The following KIAA1217 variants were observed in gnomAD, a reference collection of about 807,000 sequenced individuals.
KIAA1217 encodes the protein KIAA1217.
KIAA1217 carries 88 observed loss-of-function variants against 163.9 expected under a neutral mutation model. That is an observed-to-expected ratio of 0.54 (90% confidence interval 0.45 to 0.64). KIAA1217 has a LOEUF of 0.64. Among genes scored for constraint, KIAA1217 ranks in the 30% least tolerant of loss-of-function variants. KIAA1217 has a pLI of 0.00. For synonymous variants in KIAA1217, 903 were observed against 923.1 expected (o/e 0.98, Z 0.39); for missense variants, 2,372 against 2,475.0 (o/e 0.96, Z 0.88).
chr10:24,470,258 G>T (rs140216264), intron 5 of KIAA1217, among the ~76,000 whole-genome samples: 1 of 152,156 alleles, frequency 6.6e-6, no homozygotes, highest in Non-Finnish European at 1.5e-5. Context: ...TAGAGGATCC[G>T]TGTCGCTCTC....
At chr10:23,744,311 A>C (rs1320886353) in intron 1 of KIAA1217, among the ~76,000 whole-genome samples, 1 of 152,152 alleles carries the variant, frequency 6.6e-6, no homozygotes, top group Admixed American at 6.5e-5. Flanking sequence ...CCAGAAGAGG[A>C]TCCAAATTGG....
chr10:24,055,765 T>C (rs1410975358), intron 2 of KIAA1217, among the ~76,000 whole-genome samples: 1 of 152,096 alleles, frequency 6.6e-6, no homozygotes, highest in African/African-American at 2.4e-5. Flanking sequence ...AAGAAGCATC[T>C]TCAATATTTA....
chr10:24,062,518 T>A (rs1007215067), intron 2 of KIAA1217, among the ~76,000 whole-genome samples: 13 of 151,374 alleles, frequency 8.6e-5, no homozygotes, highest in Non-Finnish European at 1.6e-4. Flanking sequence ...TGTGCCACAT[T>A]TTCTTAATCC....
At chr10:24,450,848 C>T (rs1334085525) in intron 5 of KIAA1217, among the ~76,000 whole-genome samples, 1 of 152,142 alleles carries the variant, frequency 6.6e-6, no homozygotes, top group African/African-American at 2.4e-5. Context: ...GTTTTTAAGT[C>T]CTGGACAGCA....
At chr10:23,747,656 T>C (rs1839482010) in intron 1 of KIAA1217, among the ~76,000 whole-genome samples, 2 of 152,098 alleles carry the variant, frequency 1.3e-5, no homozygotes, top group South Asian at 2.1e-4. Flanking sequence ...GAGGAAATGA[T>C]GAAAATGAAG....
upstream of KIAA1217, among the ~76,000 whole-genome samples, chr10:24,208,121 CTT>C (rs796178842): frequency 4.4e-5 from 6 of 135,336 alleles, no homozygotes; most frequent in Admixed American, 7.5e-5. Flanking sequence ...TTCCCATCCT[CTT>C]TTTTTTTTTT....
At chr10:24,101,971 G>A (rs2062433775) in intron 2 of KIAA1217, among the ~76,000 whole-genome samples, 1 of 152,138 alleles carries the variant, frequency 6.6e-6, no homozygotes, top group Non-Finnish European at 1.5e-5. Context: ...AGTGGTGATA[G>A]TTGCACAATT....
rs112988768 is a variant in KIAA1217 at position 24,545,787 on chromosome 10, G to A, written c.5335-40G>A. 3,017 of 1,547,676 alleles carry A rather than the reference G, an allele frequency of 1.9e-3. 27 individuals are homozygous for A. The African/African-American group carries it at 0.03, about 15-fold the overall frequency. On this transcript the variant is annotated intron_variant, in intron 20 of 20. Coordinates refer to ENST00000376454, the MANE Select transcript of KIAA1217 (RefSeq NM_019590.5). ...GGCCCTGTGGGTTGATCATGTGACC[G>A]CCTTTCTGACAAAATGTCTCCCGCC...
chr10:23,918,093 A>G (rs1450397314), intron 1 of KIAA1217, among the ~76,000 whole-genome samples: 2 of 150,512 alleles, frequency 1.3e-5, no homozygotes, highest in African/African-American at 4.9e-5. Context: ...GCTCACTGCA[A>G]CCTCAAAGTC....
chr10:23,930,593 A>G (rs1177524617), intron 1 of KIAA1217, among the ~76,000 whole-genome samples: 1 of 152,228 alleles, frequency 6.6e-6, no homozygotes, highest in African/African-American at 2.4e-5. Context: ...GCCTTTCAGA[A>G]ATTACAATTT....
intron 2 of KIAA1217, among the ~76,000 whole-genome samples, chr10:24,113,262 T>C (rs1008185768): frequency 6.6e-6 from 1 of 152,118 alleles, no homozygotes; most frequent in Non-Finnish European, 1.5e-5. Context: ...CTAAAAATAA[T>C]ACCTATTTTT....
At chr10:24,305,313 G>A (rs772040130) in intron 2 of KIAA1217, among the ~76,000 whole-genome samples, 10 of 152,126 alleles carry the variant, frequency 6.6e-5, no homozygotes, top group Non-Finnish European at 1.3e-4. Context: ...CAAGAAGATG[G>A]TGGACTGGTG....
intron 6 of KIAA1217, among the ~76,000 whole-genome samples, chr10:24,492,470 T>C (rs149939718): frequency 2.0e-5 from 3 of 152,320 alleles, no homozygotes; most frequent in East Asian, 3.9e-4. Context: ...AGATTTCTTA[T>C]TTCCATTCTA....
At chr10:24,384,613 C>G (rs1000377104) in intron 3 of KIAA1217, among the ~76,000 whole-genome samples, 2 of 152,178 alleles carry the variant, frequency 1.3e-5, no homozygotes, top group Admixed American at 6.5e-5. Context: ...CTCGGCTCAC[C>G]GCAATCTCTG....
intron 1 of KIAA1217, among the ~76,000 whole-genome samples, chr10:23,799,008 G>C (rs1033481250): frequency 2.0e-5 from 3 of 152,186 alleles, no homozygotes; most frequent in South Asian, 2.1e-4. Context: ...TCTGAGGACT[G>C]TGAGAGAGAA....
At chr10:23,966,668 C>T (rs1589154699) in intron 1 of KIAA1217, among the ~76,000 whole-genome samples, 1 of 152,332 alleles carries the variant, frequency 6.6e-6, no homozygotes, top group East Asian at 1.9e-4. Context: ...CCATTCCTCC[C>T]TAGACCTTCT....
intron 1 of KIAA1217, among the ~76,000 whole-genome samples, chr10:23,961,598 C>T (rs1031348648): frequency 6.6e-6 from 1 of 152,154 alleles, no homozygotes; most frequent in Non-Finnish European, 1.5e-5. Flanking sequence ...TTTAAAATAA[C>T]CCTTCAGCTT....
At chr10:23,969,103 C>T (rs541763552) in intron 1 of KIAA1217, among the ~76,000 whole-genome samples, 51 of 152,278 alleles carry the variant, frequency 3.3e-4, no homozygotes, top group Admixed American at 9.8e-4. Flanking sequence ...GGCACGATCT[C>T]GGCTCACTGC....
At chr10:24,147,832 C>CAAAAAAAAAAAAAAAA (rs1176106711) in intron 2 of KIAA1217, among the ~76,000 whole-genome samples, 30 of 20,766 alleles carry the variant, frequency 1.4e-3, no homozygotes, top group East Asian at 7.9e-3. Context: ...TACTCTGTCT[C>CAAAAAAAAAAAAAAAA]AAAAAAAAAA....
Sources: allele counts gnomAD v4.1 joint callset (sites outside exome capture counted in the v4.1 genomes callset), GRCh38; gene constraint gnomAD v4.1.1; transcripts MANE v1.5; gene names NCBI Gene and HGNC (gene_info 2026-07-23, HGNC 2026-07-21).